Variants in ANKRD28 observed in about 807,000 individuals in gnomAD.
ANKRD28 encodes the protein ankyrin repeat domain 28.
ANKRD28 carries 44 observed loss-of-function variants against 126.5 expected under a neutral mutation model. The observed-to-expected ratio is 0.35, with a 90% CI of 0.27 to 0.45. The LOEUF is 0.45. Among genes scored for constraint, ANKRD28 ranks in the 20% least tolerant of loss-of-function variants. ANKRD28 has a pLI of 1.00. For missense variants in ANKRD28, 1,110 were observed against 1,316.6 expected (o/e 0.84, Z 2.43); for synonymous variants, 442 against 468.5 (o/e 0.94, Z 0.73).
chr3:15,811,171 C>T (rs2060703433), intron 1 of ANKRD28, among the ~76,000 whole-genome samples: 1 of 152,112 alleles, frequency 6.6e-6, no homozygotes, highest in African/African-American at 2.4e-5. Flanking sequence ...TGTTAAGGGA[C>T]ACTGTTATTC....
chr3:15,676,727 T>A (rs2066978177), intron 26 of ANKRD28: 2 of 333,698 alleles, frequency 6.0e-6, no homozygotes, highest in Admixed American at 4.5e-5. Context: ...GAAAATTAGG[T>A]AGGTGGATTA....
chr3:15,723,362 C>A (rs1458759267), intron 7 of ANKRD28, among the ~76,000 whole-genome samples: 3 of 152,216 alleles, frequency 2.0e-5, no homozygotes, highest in Non-Finnish European at 4.4e-5. Context: ...TGTAGCTGAT[C>A]TAAACTGTAT....
chr3:15,784,367 C>CAAGGAATGATAAGGAGG (rs1276797302), intron 2 of ANKRD28, among the ~76,000 whole-genome samples: 3 of 151,810 alleles, frequency 2.0e-5, no homozygotes, highest in African/African-American at 7.3e-5. Context: ...AGCAGTGATA[C>CAAGGAATGATAAGGAGG]AAGGAATGAT....
intron 14 of ANKRD28, among the ~76,000 whole-genome samples, chr3:15,698,017 C>T (rs113494860): frequency 0.027 from 4,126 of 151,690 alleles, 189 homozygotes; most frequent in African/African-American, 0.094. Flanking sequence ...AGTTTATTTG[C>T]GTAGAGGTGT....
At chr3:15,855,210 T>C (rs1559602725) in intron 1 of ANKRD28, among the ~76,000 whole-genome samples, 1 of 152,186 alleles carries the variant, frequency 6.6e-6, no homozygotes, top group African/African-American at 2.4e-5. Flanking sequence ...TTTTTTCCCC[T>C]CAAACAATGT....
At chr3:15,742,144 C>T (rs1410907966) in intron 4 of ANKRD28, among the ~76,000 whole-genome samples, 1 of 152,210 alleles carries the variant, frequency 6.6e-6, no homozygotes, top group African/African-American at 2.4e-5. Context: ...ATTACAGCCT[C>T]TGCCCGGCCG....
chr3:15,852,282 C>G (rs2061669405), intron 1 of ANKRD28, among the ~76,000 whole-genome samples: 2 of 152,174 alleles, frequency 1.3e-5, no homozygotes, highest in Admixed American at 6.5e-5. Context: ...CCTCTCTATA[C>G]TAATTTATGC....
chr3:15,702,745 G>A (rs2070792507), intron 14 of ANKRD28, among the ~76,000 whole-genome samples: 1 of 152,100 alleles, frequency 6.6e-6, no homozygotes, highest in African/African-American at 2.4e-5. Context: ...GAAAACAGAT[G>A]TGGTATTGTC....
At chr3:15,709,602 A>G in intron 13 of ANKRD28, 66 bp downstream of exon 13, 1 of 1,102,466 alleles carries the variant, frequency 9.1e-7, no homozygotes, top group East Asian at 2.6e-5. Context: ...TTCAGAAGCC[A>G]GTTAGAAGGT....
intron 1 of ANKRD28, among the ~76,000 whole-genome samples, chr3:15,840,538 A>C (rs2061405721): frequency 6.6e-6 from 1 of 152,206 alleles, no homozygotes; most frequent in Admixed American, 6.5e-5. Flanking sequence ...AGAAAAAAAA[A>C]CAATCCTAAC....
intron 8 of ANKRD28, among the ~76,000 whole-genome samples, chr3:15,717,542 A>G (rs1444750585): frequency 6.6e-6 from 1 of 152,062 alleles, no homozygotes; most frequent in African/African-American, 2.4e-5. Context: ...AAAAAGAAAA[A>G]TAACAAAAAC....
intron 14 of ANKRD28, among the ~76,000 whole-genome samples, chr3:15,700,092 A>G (rs7641052): frequency 0.72 from 109,775 of 152,118 alleles, 39,828 homozygotes; most frequent in East Asian, 0.94. Flanking sequence ...GCAGGGACAC[A>G]GATGAAGCTG....
chr3:15,777,027 G>C (rs1009971555), intron 2 of ANKRD28, among the ~76,000 whole-genome samples: 2 of 152,134 alleles, frequency 1.3e-5, no homozygotes, highest in Non-Finnish European at 2.9e-5. Context: ...TGTAATCCCA[G>C]CACTTTGGGA....
At chr3:15,736,329 A>T (rs983994116) in intron 5 of ANKRD28, among the ~76,000 whole-genome samples, 2 of 152,224 alleles carry the variant, frequency 1.3e-5, no homozygotes, top group African/African-American at 4.8e-5. Flanking sequence ...GTTTGGTACT[A>T]TCCAATGTTT....
intron 1 of ANKRD28, among the ~76,000 whole-genome samples, chr3:15,823,542 T>C (rs1028602207): frequency 1.3e-5 from 2 of 152,110 alleles, no homozygotes; most frequent in Admixed American, 6.6e-5. Context: ...CTTCAACAAA[T>C]AGCGCTAGGA....
intron 27 of ANKRD28, among the ~76,000 whole-genome samples, chr3:15,674,871 G>GAC (rs1443517711): frequency 1.3e-5 from 2 of 152,196 alleles, no homozygotes; most frequent in African/African-American, 2.4e-5. Flanking sequence ...TGAGAGCTAA[G>GAC]TAGTAGTTAA....
At chr3:15,744,973 T>C (rs1490751866) in intron 4 of ANKRD28, among the ~76,000 whole-genome samples, 3 of 152,226 alleles carry the variant, frequency 2.0e-5, no homozygotes, top group Non-Finnish European at 2.9e-5. Context: ...GTGGTTTTGA[T>C]TTACATTTCC....
At chr3:15,691,269 G>A (rs570303383) in intron 17 of ANKRD28, among the ~76,000 whole-genome samples, 1 of 152,078 alleles carries the variant, frequency 6.6e-6, no homozygotes, top group East Asian at 1.9e-4. Context: ...GATTACAGGC[G>A]CATGCCACCA....
intron 2 of ANKRD28, among the ~76,000 whole-genome samples, chr3:15,778,478 T>G (rs2125672577): frequency 6.6e-6 from 1 of 152,298 alleles, no homozygotes; most frequent in East Asian, 1.9e-4. Flanking sequence ...TTTGTCCTTC[T>G]AAGACCTCCA....
Sources: gnomAD v4.1 joint callset for allele counts (sites outside exome capture counted in the v4.1 genomes callset) on GRCh38, gnomAD v4.1.1 for gene constraint, MANE v1.5 for transcripts, NCBI Gene and HGNC (gene_info 2026-07-23, HGNC 2026-07-21) for gene names.